Variants in IPO11 observed in about 807,000 individuals in gnomAD.
IPO11 encodes the protein importin-11.
In IPO11, 66 loss-of-function variants were observed where a neutral mutation model predicts 143.2. The ratio of observed to expected loss-of-function variants is 0.46; its 90% CI spans 0.38 to 0.57. The LOEUF is 0.57. IPO11 is among the 20% of genes least tolerant of loss of function. The probability of loss-of-function intolerance (pLI) is 0.00; values close to 1 mark genes in which losing one functional copy is unlikely to be tolerated. For missense variants in IPO11, 1,026 were observed against 1,141.0 expected (o/e 0.90, Z 1.45); for synonymous variants, 385 against 377.8 (o/e 1.02, Z -0.22).
intron 22 of IPO11, among the ~76,000 whole-genome samples, chr5:62,532,913 G>T (rs902762949): frequency 2.6e-5 from 4 of 152,084 alleles, no homozygotes; most frequent in African/African-American, 9.7e-5. Context: ...TTTGATAATG[G>T]ATGTTCAATT....
intron 27 of IPO11, among the ~76,000 whole-genome samples, chr5:62,574,690 ATT>A (rs974139442): frequency 9.8e-5 from 15 of 152,304 alleles, no homozygotes; most frequent in Admixed American, 7.2e-4. Context: ...CATCAAAGAA[ATT>A]TATCATCATA....
Position 62,550,373 on chromosome 5 carries a change from G to C in IPO11, c.2257G>C (p.Glu753Gln). 1 of 1,610,470 alleles carries C rather than the reference G, an allele frequency of 6.2e-7. No individual in the cohort carries two copies. The highest frequency in any genetic ancestry group is 8.5e-7 in the Non-Finnish European group (1 of 1,177,596). ...EGQVQVLKVVENALKVNPILG... is the reference protein window; with the variant it reads ...EGQVQVLKVVQNALKVNPILG... Reference sequence around the variant, plus strand: ...CTTTCTTTCTGGTTTTTAGGTTGTGGAAAATGCCCTTAAAGTGAACCCAAT... The same window carrying C: ...CTTTCTTTCTGGTTTTTAGGTTGTGCAAAATGCCCTTAAAGTGAACCCAAT... The change falls in exon 25 of 30, where the codon GAA becomes CAA. Residue 753 changes from glutamate (E) to glutamine (Q), a missense_variant. This residue lies in a region of IPO11 where 351 missense variants were observed against 358.9 expected (regional missense o/e 0.98). Coordinates refer to ENST00000325324, the MANE Select transcript of IPO11 (RefSeq NM_016338.5).
At chr5:62,523,214 T>A (rs183045932) in intron 20 of IPO11, among the ~76,000 whole-genome samples, 12 of 152,344 alleles carry the variant, frequency 7.9e-5, no homozygotes, top group Admixed American at 1.3e-4. Flanking sequence ...TCTTTTTTTT[T>A]AAATCCTCCT....
At chr5:62,487,191 G>A (rs756980210) in intron 12 of IPO11, among the ~76,000 whole-genome samples, 14 of 152,026 alleles carry the variant, frequency 9.2e-5, no homozygotes, top group Admixed American at 2.0e-4. Flanking sequence ...TTCTGTTACC[G>A]CTTGTGTTTG....
chr5:62,415,586 A>G (rs1743264614), intron 1 of IPO11, among the ~76,000 whole-genome samples: 1 of 149,208 alleles, frequency 6.7e-6, no homozygotes, highest in African/African-American at 2.5e-5. Flanking sequence ...CTCCTGCCTC[A>G]GCCTCCTGAG....
At chr5:62,599,515 A>G (rs1745418991) in intron 28 of IPO11, among the ~76,000 whole-genome samples, 1 of 152,242 alleles carries the variant, frequency 6.6e-6, no homozygotes, top group African/African-American at 2.4e-5. Context: ...GAGTTTATAT[A>G]GATTAAATGA....
At chr5:62,477,986 T>G (rs1301064) in intron 9 of IPO11, among the ~76,000 whole-genome samples, 71,008 of 152,006 alleles carry the variant, frequency 0.47, 16,775 homozygotes, top group South Asian at 0.53. Flanking sequence ...ACTTTGAGTC[T>G]TCATGACATC....
At chr5:62,598,779 A>G (rs1020912900) in intron 28 of IPO11, among the ~76,000 whole-genome samples, 4 of 151,550 alleles carry the variant, frequency 2.6e-5, no homozygotes, top group African/African-American at 9.7e-5. Context: ...TCCTGACCTC[A>G]AGTGATCTGC....
intron 16 of IPO11, among the ~76,000 whole-genome samples, chr5:62,498,987 T>C (rs1237064336): frequency 1.3e-5 from 2 of 152,260 alleles, no homozygotes; most frequent in Non-Finnish European, 2.9e-5. Context: ...TGAAAGCCTA[T>C]GTAAGATATA....
chr5:62,562,094 T>C (rs1288912702), intron 27 of IPO11: 1 of 152,272 alleles, frequency 6.6e-6, no homozygotes, highest in African/African-American at 2.4e-5. Context: ...TAGTGCATGG[T>C]CAGCACATTT....
intron 27 of IPO11, chr5:62,580,941 T>C: frequency 6.4e-7 from 1 of 1,551,344 alleles, no homozygotes. Flanking sequence ...AAAACAGTGC[T>C]CTACCGAATG....
At chr5:62,505,021 G>C (rs1741505866) in intron 18 of IPO11, 123 bp downstream of exon 18, 1 of 512,236 alleles carries the variant, frequency 2.0e-6, no homozygotes, top group Admixed American at 4.1e-5. Context: ...AAAGTATGCT[G>C]TATTGGATTA....
At chr5:62,578,045 C>G (rs35435683) in intron 27 of IPO11, among the ~76,000 whole-genome samples, 1 of 152,000 alleles carries the variant, frequency 6.6e-6, no homozygotes, top group Non-Finnish European at 1.5e-5. Context: ...CATTTTTGTT[C>G]TAAAAGATTC....
chr5:62,621,536 C>T (rs1056857332), intron 29 of IPO11, among the ~76,000 whole-genome samples: 2 of 152,212 alleles, frequency 1.3e-5, no homozygotes, highest in South Asian at 2.1e-4. Flanking sequence ...GTCCGTTTTT[C>T]GGCCTTCAGG....
At chr5:62,576,793 A>G (rs1398475138) in intron 27 of IPO11, among the ~76,000 whole-genome samples, 3 of 152,198 alleles carry the variant, frequency 2.0e-5, no homozygotes, top group South Asian at 2.1e-4. Context: ...AAAAGAATAC[A>G]TGCATCCATA....
At chr5:62,622,869 A>G (rs1057126551) in intron 29 of IPO11, among the ~76,000 whole-genome samples, 2 of 152,216 alleles carry the variant, frequency 1.3e-5, no homozygotes, top group African/African-American at 2.4e-5. Flanking sequence ...AGACATAGCA[A>G]TGTAAAATAG....
At chr5:62,499,382 TTGAA>T (rs1741265686) in intron 16 of IPO11, among the ~76,000 whole-genome samples, 1 of 152,208 alleles carries the variant, frequency 6.6e-6, no homozygotes, top group Non-Finnish European at 1.5e-5. Context: ...GGCGCTTAAC[TTGAA>T]TAGCGCTTGC....
intron 5 of IPO11, among the ~76,000 whole-genome samples, chr5:62,460,832 A>G (rs186814046): frequency 3.3e-5 from 5 of 152,276 alleles, no homozygotes; most frequent in African/African-American, 1.2e-4. Context: ...ACATGTAGAA[A>G]AAAATATTTT....
intron 3 of IPO11, among the ~76,000 whole-genome samples, chr5:62,447,190 C>G (rs1330929805): frequency 6.6e-6 from 1 of 152,058 alleles, no homozygotes. Flanking sequence ...AGTGTAACCT[C>G]TAACTCCTGG....
Sources: gnomAD v4.1 joint callset for allele counts (sites outside exome capture counted in the v4.1 genomes callset) on GRCh38, gnomAD v4.1.1 for gene constraint, gnomAD v4.1.1 regional missense constraint, MANE v1.5 for transcripts, NCBI Gene and HGNC (gene_info 2026-07-23, HGNC 2026-07-21) for gene names.